PDK1: variants seen among roughly 807,000 people sequenced by gnomAD.
PDK1 encodes the protein pyruvate dehydrogenase kinase 1.
Under a neutral mutation model 54.2 loss-of-function variants are expected in PDK1, and 39 were observed. That is an observed-to-expected ratio of 0.72 (90% CI 0.56 to 0.94). PDK1 has a LOEUF of 0.94. Among genes scored for constraint, PDK1 ranks in the 40% least tolerant of loss-of-function variants. The probability of loss-of-function intolerance (pLI) is 0.00; values close to 1 mark genes in which losing one functional copy is unlikely to be tolerated. For missense variants in PDK1, 552 were observed against 566.0 expected, an observed-to-expected ratio of 0.98 and a Z score of 0.25; for synonymous variants, 221 against 207.1, an observed-to-expected ratio of 1.07 and a Z score of -0.58.
intron 8 of PDK1, among the ~76,000 whole-genome samples, chr2:172,585,636 G>A (rs1690181147): frequency 1.3e-5 from 2 of 152,046 alleles, no homozygotes; most frequent in African/African-American, 2.4e-5. Context: ...TAGTCACCAT[G>A]CTGCCCACCA....
the PDK1 span, among the ~76,000 whole-genome samples, chr2:172,713,121 A>G: frequency 2.0e-5 from 3 of 152,164 alleles, no homozygotes; most frequent in South Asian, 2.1e-4. Flanking sequence ...TCCTATCCAC[A>G]GGCAGGTTGT....
downstream of PDK1, among the ~76,000 whole-genome samples, chr2:172,610,744 G>A (rs1378222051): frequency 6.6e-6 from 1 of 152,114 alleles, no homozygotes; most frequent in Non-Finnish European, 1.5e-5. Flanking sequence ...CCAAGTAGCT[G>A]AGATTACAGG....
the PDK1 span, among the ~76,000 whole-genome samples, chr2:172,623,942 T>G: frequency 6.6e-6 from 1 of 152,206 alleles, no homozygotes; most frequent in African/African-American, 2.4e-5. Context: ...GATGGGAGAT[T>G]AAAACTTATA....
At chr2:172,707,047 G>A in the PDK1 span, among the ~76,000 whole-genome samples, 2 of 152,120 alleles carry the variant, frequency 1.3e-5, no homozygotes, top group African/African-American at 4.8e-5. Flanking sequence ...GGTGGGAGGT[G>A]GCGTTGTTTC....
the PDK1 span, chr2:172,723,084 C>T: frequency 6.6e-6 from 1 of 151,942 alleles, no homozygotes; most frequent in South Asian, 2.1e-4. Flanking sequence ...CGATGAACTC[C>T]TTACTAGCTT....
chr2:172,646,671 G>T, the PDK1 span, among the ~76,000 whole-genome samples: 1 of 147,328 alleles, frequency 6.8e-6, no homozygotes, highest in African/African-American at 2.5e-5. Context: ...TTAAAATGTT[G>T]ATTCTTAGGC....
chr2:172,621,229 A>C, the PDK1 span, among the ~76,000 whole-genome samples: 1 of 152,198 alleles, frequency 6.6e-6, no homozygotes, highest in Non-Finnish European at 1.5e-5. Flanking sequence ...TTGCCAAAGG[A>C]GATTAACATT....
the PDK1 span, among the ~76,000 whole-genome samples, chr2:172,706,680 C>T: frequency 3.9e-5 from 6 of 152,226 alleles, no homozygotes; most frequent in African/African-American, 1.4e-4. Context: ...CTGCCCGCCT[C>T]AGCCTCCCAA....
At chr2:172,579,013 G>C (rs1449923053) in intron 8 of PDK1, among the ~76,000 whole-genome samples, 1 of 152,144 alleles carries the variant, frequency 6.6e-6, no homozygotes, top group Admixed American at 6.5e-5. Flanking sequence ...TGAGAGCTTA[G>C]GGCCTTCTCA....
rs1416839915 is a variant in PDK1, at chr2:172,598,536, G to A, written c.*2567G>A. 3 of 152,136 alleles carry A rather than the reference G, an allele frequency of 2.0e-5. No homozygotes were observed. Among genetic ancestry groups the A allele is most frequent in the Non-Finnish European group, 2.9e-5 (2 of 68,024 alleles). 9.4% of individuals were successfully genotyped at this position (152,136 alleles called of 1,614,324 possible). A position where few individuals can be genotyped will look rare whatever the true frequency, so the allele number is the denominator to read the frequency against. ...GTGTAGTTATGAAAATATATTGAAG[G>A]ACAGGAAGTGGACACGAAGTGATTT... is the stretch of plus-strand genomic sequence containing the variant. On this transcript the variant is annotated 3_prime_UTR_variant, in exon 11 of 11. Transcript: ENST00000282077.
the PDK1 span, among the ~76,000 whole-genome samples, chr2:172,713,693 G>A: frequency 3.3e-5 from 5 of 152,252 alleles, no homozygotes; most frequent in Admixed American, 6.5e-5. Flanking sequence ...GTGCCTGTGC[G>A]GACAGGGGGA....
chr2:172,557,770 C>G (rs143327681), intron 1 of PDK1, among the ~76,000 whole-genome samples: 1 of 151,824 alleles, frequency 6.6e-6, no homozygotes, highest in African/African-American at 2.4e-5. Flanking sequence ...CCACCATGCC[C>G]GGACTGCACT....
chr2:172,567,623 G>A (rs1004037093), intron 6 of PDK1, among the ~76,000 whole-genome samples: 1 of 152,228 alleles, frequency 6.6e-6, no homozygotes, highest in Non-Finnish European at 1.5e-5. Flanking sequence ...GCATTGCTTG[G>A]TGATTTTCTA....
intron 1 of PDK1, chr2:172,558,343 C>CA: frequency 5.8e-6 from 1 of 171,738 alleles, no homozygotes; most frequent in Middle Eastern, 2.3e-3. Flanking sequence ...ACGGGGTGTA[C>CA]AGGATAGACT....
chr2:172,681,525 T>C, the PDK1 span, among the ~76,000 whole-genome samples: 1 of 152,232 alleles, frequency 6.6e-6, no homozygotes, highest in Non-Finnish European at 1.5e-5. Flanking sequence ...TGTCATTCAT[T>C]CATTCAACAA....
At chr2:172,714,057 A>C in the PDK1 span, among the ~76,000 whole-genome samples, 1 of 152,258 alleles carries the variant, frequency 6.6e-6, no homozygotes, top group Admixed American at 6.5e-5. Flanking sequence ...AGATCTGGGA[A>C]CAAAACACTG....
At chr2:172,572,011 T>C (rs917043278) in intron 8 of PDK1, among the ~76,000 whole-genome samples, 1 of 151,976 alleles carries the variant, frequency 6.6e-6, no homozygotes, top group Non-Finnish European at 1.5e-5. Flanking sequence ...TTTTGTATTT[T>C]AGTAGAGACA....
the PDK1 span, among the ~76,000 whole-genome samples, chr2:172,645,089 T>A: frequency 6.6e-6 from 1 of 152,034 alleles, no homozygotes; most frequent in Admixed American, 6.6e-5. Context: ...ATAAGCCAAT[T>A]TTTAAACACT....
At chr2:172,621,789 T>C in the PDK1 span, among the ~76,000 whole-genome samples, 1 of 111,686 alleles carries the variant, frequency 9.0e-6, no homozygotes, top group Non-Finnish European at 1.9e-5. Flanking sequence ...ATATCTCATA[T>C]GTATGATATA....
Sources: gnomAD v4.1 joint callset for allele counts (sites outside exome capture counted in the v4.1 genomes callset) on GRCh38, gnomAD v4.1.1 for gene constraint, MANE v1.5 for transcripts, NCBI Gene and HGNC (gene_info 2026-07-23, HGNC 2026-07-21) for gene names.